ADAMTSL1: variants seen among roughly 807,000 people sequenced by gnomAD.
ADAMTSL1 encodes the protein ADAMTS-like protein 1.
Under a neutral mutation model 201.8 loss-of-function variants are expected in ADAMTSL1, and 126 were observed. The ratio of observed to expected loss-of-function variants is 0.62; its 90% CI spans 0.54 to 0.72. The LOEUF (loss-of-function observed/expected upper bound fraction) is 0.72. Ranked by LOEUF, ADAMTSL1 falls within the 30% of genes least tolerant of loss-of-function variation. The pLI is 0.00. For missense variants in ADAMTSL1, 2,679 were observed against 2,277.8 expected (o/e 1.18, Z -3.59); for synonymous variants, 1,121 against 903.4 (o/e 1.24, Z -4.32).
chr9:18,415,609 G>C (rs975823567), intron 2 of ADAMTSL1, among the ~76,000 whole-genome samples: 2 of 151,814 alleles, frequency 1.3e-5, no homozygotes. Context: ...AGTTGGGAGG[G>C]GGTACAGAGA....
rs191987899 is a variant in ADAMTSL1, at chr9:18,220,746, C to A, written c.207+56765C>A. 1.3e-4 allele frequency among the ~76,000 whole-genome samples: 20 copies of A among 151,996 alleles called. No individual in the cohort carries two copies. In the East Asian group the frequency reaches 2.3e-3, roughly 18 times the overall value. ...TCTTGCTAATGGTTTTTCAGTAATACATTTTACTTATACTTTTTAAATTGT... is the reference window on the plus strand; with the variant it reads ...TCTTGCTAATGGTTTTTCAGTAATAAATTTTACTTATACTTTTTAAATTGT... On this transcript the variant is annotated intron_variant, in intron 2 of 29. Coordinates refer to the ADAMTSL1 transcript ENST00000680146.
At chr9:18,711,652 T>C (rs200525366) in intron 14 of ADAMTSL1, among the ~76,000 whole-genome samples, 44 of 150,822 alleles carry the variant, frequency 2.9e-4, no homozygotes, top group Non-Finnish European at 5.2e-4. Flanking sequence ...AACTGCAAGG[T>C]GGCAGCGAGG....
intron 4 of ADAMTSL1, among the ~76,000 whole-genome samples, chr9:18,610,462 T>A (rs1320988030): frequency 6.6e-6 from 1 of 152,170 alleles, no homozygotes; most frequent in African/African-American, 2.4e-5. Context: ...TGATCAATTC[T>A]CTCCAGGCTC....
chr9:18,696,898 T>A (rs1169269353), intron 13 of ADAMTSL1, among the ~76,000 whole-genome samples: 1 of 149,586 alleles, frequency 6.7e-6, no homozygotes, highest in Non-Finnish European at 1.5e-5. Context: ...ATTATTATTT[T>A]GAGATGGAGT....
At chr9:18,357,250 AT>A (rs1181824148) in intron 2 of ADAMTSL1, among the ~76,000 whole-genome samples, 1 of 152,010 alleles carries the variant, frequency 6.6e-6, no homozygotes, top group Non-Finnish European at 1.5e-5. Flanking sequence ...CAAGCAAAGT[AT>A]TTTTTTTCAA....
At chr9:18,402,925 G>A (rs186495839) in intron 2 of ADAMTSL1, among the ~76,000 whole-genome samples, 6 of 152,102 alleles carry the variant, frequency 3.9e-5, no homozygotes, top group Admixed American at 2.6e-4. Context: ...AGTACTCAAC[G>A]TGCATTCTCA....
At chr9:17,963,919 A>G (rs1200646776) in intron 1 of ADAMTSL1, among the ~76,000 whole-genome samples, 20 of 152,098 alleles carry the variant, frequency 1.3e-4, no homozygotes, top group Admixed American at 1.3e-3. Flanking sequence ...TCACTTTCCA[A>G]TTCTCCTCAA....
chr9:17,990,313 G>A (rs1201662289), intron 1 of ADAMTSL1, among the ~76,000 whole-genome samples: 3 of 151,944 alleles, frequency 2.0e-5, no homozygotes, highest in Non-Finnish European at 4.4e-5. Flanking sequence ...GACCATTTAT[G>A]TACTTTATTT....
chr9:18,872,061 C>G (rs1588279965), intron 23 of ADAMTSL1, among the ~76,000 whole-genome samples: 2 of 152,202 alleles, frequency 1.3e-5, no homozygotes, highest in Admixed American at 1.3e-4. Context: ...TACAAGTTTT[C>G]TCATCTTTGC....
intron 20 of ADAMTSL1, among the ~76,000 whole-genome samples, chr9:18,799,970 A>G (rs1446635594): frequency 1.3e-5 from 2 of 152,206 alleles, no homozygotes. Flanking sequence ...TTTTTCACCC[A>G]GCAGTTCTGT....
At chr9:18,389,077 C>A (rs953351973) in intron 2 of ADAMTSL1, among the ~76,000 whole-genome samples, 2 of 152,016 alleles carry the variant, frequency 1.3e-5, no homozygotes, top group African/African-American at 4.8e-5. Context: ...AATTTTAACA[C>A]CTATATTTGA....
At chr9:18,497,874 A>G (rs1587379081) in intron 1 of ADAMTSL1, among the ~76,000 whole-genome samples, 2 of 152,232 alleles carry the variant, frequency 1.3e-5, no homozygotes, top group East Asian at 3.9e-4. Flanking sequence ...ACAAAATAAA[A>G]TCAAGTTACC....
chr9:18,601,164 T>C (rs971311710), intron 4 of ADAMTSL1, among the ~76,000 whole-genome samples: 2 of 152,212 alleles, frequency 1.3e-5, no homozygotes. Context: ...GTGCCCTTCC[T>C]GGTGAAATAC....
intron 4 of ADAMTSL1, among the ~76,000 whole-genome samples, chr9:18,593,150 A>G (rs905322914): frequency 1.1e-4 from 17 of 152,254 alleles, no homozygotes; most frequent in African/African-American, 4.1e-4. Context: ...ATAAGATTAT[A>G]TAATCTGCAA....
intron 23 of ADAMTSL1, among the ~76,000 whole-genome samples, chr9:18,845,384 C>T (rs1230947344): frequency 6.6e-6 from 1 of 152,228 alleles, no homozygotes; most frequent in Non-Finnish European, 1.5e-5. Flanking sequence ...GAAGACTTTC[C>T]ATGAAAGAAT....
At chr9:18,215,648 A>T (rs751015309) in intron 2 of ADAMTSL1, among the ~76,000 whole-genome samples, 2 of 152,152 alleles carry the variant, frequency 1.3e-5, no homozygotes, top group Non-Finnish European at 2.9e-5. Context: ...ATTTTATTTA[A>T]TGGTTTATTA....
At position 18,906,970 on chromosome 9, in the gene ADAMTSL1, G is replaced by C. The variant is rs755464109; in HGVS notation, c.5182+58G>C. 6 of 1,593,916 alleles carry C rather than the reference G, an allele frequency of 3.8e-6. No homozygotes were observed. The African/African-American group carries it at 4.0e-5, about 11-fold the overall frequency. On this transcript the variant is annotated intron_variant, in intron 28 of 28. Transcript: ENST00000380548. Reference sequence around the variant, plus strand: ...TTCCCCATAGAGCATCGAGTGCAGAGAGCAGTCCCTGGGACCGACCCTGAG... The same window carrying C: ...TTCCCCATAGAGCATCGAGTGCAGACAGCAGTCCCTGGGACCGACCCTGAG...
chr9:18,553,280 C>A (rs1820905538), intron 3 of ADAMTSL1, among the ~76,000 whole-genome samples: 1 of 139,260 alleles, frequency 7.2e-6, no homozygotes, highest in African/African-American at 2.7e-5. Context: ...ATATCCATTT[C>A]TATTTTTTTA....
chr9:18,209,942 G>A (rs80244227), intron 2 of ADAMTSL1, among the ~76,000 whole-genome samples: 4 of 152,192 alleles, frequency 2.6e-5, no homozygotes, highest in South Asian at 2.1e-4. Context: ...TGCCTTGCCA[G>A]TACAGAATGC....
Sources: allele counts gnomAD v4.1 joint callset (sites outside exome capture counted in the v4.1 genomes callset), GRCh38; gene constraint gnomAD v4.1.1; transcripts MANE v1.5; gene names NCBI Gene and HGNC (gene_info 2026-07-23, HGNC 2026-07-21).